Variants in ZNF443 observed in about 807,000 individuals in gnomAD.
ZNF443 encodes the protein Kruppel-type zinc finger (C2H2).
Under a neutral mutation model 12.0 loss-of-function variants are expected in ZNF443, and 3 were observed. The observed-to-expected ratio is 0.25, with a 90% confidence interval of 0.11 to 0.64. The LOEUF (loss-of-function observed/expected upper bound fraction) is 0.64. Ranked by LOEUF, ZNF443 falls within the 30% of genes least tolerant of loss-of-function variation. ZNF443 has a pLI of 0.84. For synonymous variants in ZNF443, 225 were observed against 265.9 expected (o/e 0.85, Z 1.50); for missense variants, 770 against 808.8 (o/e 0.95, Z 0.58).
Position 12,430,760 on chromosome 19 carries a change from T to C in ZNF443, c.1412A>G (p.His471Arg), listed in dbSNP as rs774277027. The change falls in exon 4 of 4, where the codon CAT (histidine) becomes CGT (arginine). Residue 471 changes from histidine (H) to arginine (R), a missense_variant. His to Arg is a conservative substitution (Grantham distance 29, BLOSUM62 0). Coordinates refer to ENST00000301547, the MANE Select transcript of ZNF443 (RefSeq NM_005815.5). ...GCATTTATAGGGTTTCTCTCCAGTA[T>C]GAGTTGTTTCATGCCTTCGAAGGGA... ...SSSLRRHETT[H>R]TGEKPYKCKL... 1 of 1,613,528 alleles carries C rather than the reference T, an allele frequency of 6.2e-7. No individual in the cohort carries two copies. The highest frequency in any genetic ancestry group is 8.5e-7 in the Non-Finnish European group (1 of 1,179,560).
Position 12,431,324 on chromosome 19 carries a change from C to G in ZNF443, c.848G>C (p.Cys283Ser). ...RTHTGEKPYKCKQCSKAFPDS... is the reference protein window; with the variant it reads ...RTHTGEKPYKSKQCSKAFPDS... ...AGGGAAGGCTTTAGAACACTGCTTA[C>G]ATTTATATGGTTTCTCCCCAGTATG... The change falls in exon 4 of 4, where the codon TGT (cysteine) becomes TCT (serine). Residue 283 changes from cysteine to serine, a missense_variant. Cys to Ser is a moderately radical substitution (Grantham distance 112). Around this residue, in one of 3 missense-constraint regions of ZNF443, gnomAD observed 736 missense variants for 689.4 expected, o/e 1.07. Transcript: ENST00000301547. 2 of 1,614,130 alleles carry G rather than the reference C, an allele frequency of 1.2e-6. No homozygotes were observed. Among genetic ancestry groups the G allele is most frequent in the Non-Finnish European group, 8.5e-7 (1 of 1,179,978 alleles).
Position 12,440,977 on chromosome 19 carries a change from C to A in ZNF443, c.-63G>T. ...CTCCCGCTGCCAATGCGTGTTCCAG[C>A]CAGACAAAGGCTGCCTCAGAACTTC... On this transcript the variant is annotated 5_prime_UTR_variant, in exon 1 of 4. Transcript: ENST00000301547. 6.2e-7 allele frequency: 1 copy of A among 1,613,196 alleles called. No homozygotes were observed. The highest frequency in any genetic ancestry group is 8.5e-7 in the Non-Finnish European group (1 of 1,179,454).
intron 1 of ZNF443, among the ~76,000 whole-genome samples, chr19:12,440,011 C>T (rs147198675): frequency 2.7e-5 from 4 of 150,026 alleles, no homozygotes; most frequent in African/African-American, 5.0e-5. Flanking sequence ...GACCCTGCTG[C>T]CCACGTCTTT....
At chr19:12,436,780 C>A (rs1047999060) in intron 1 of ZNF443, among the ~76,000 whole-genome samples, 2 of 127,964 alleles carry the variant, frequency 1.6e-5, no homozygotes, top group African/African-American at 5.9e-5. Context: ...CACACACACA[C>A]ACAAATATAC....
In ZNF443 at chr19:12,430,682, G is replaced by A. The variant is rs760757691; in HGVS notation, c.1490C>T (p.Thr497Ile). ...DFCSFQNHKT[T>I]HTGEKPYECK... ...CTCATATGGCTTCTCTCCAGTGTGA[G>A]TTGTTTTGTGATTTTGAAAGGAACA... The change falls in exon 4 of 4, where the codon ACT (threonine) becomes ATT (isoleucine). Residue 497 changes from threonine to isoleucine, a missense_variant. Physicochemically the swap from Thr to Ile is moderately conservative, Grantham distance 89 (BLOSUM62 -1). Transcript: ENST00000301547. The A allele has an allele frequency of 6.2e-7, 1 of 1,613,360 alleles. No individual in the cohort carries two copies. The highest frequency in any genetic ancestry group is 1.3e-5 in the African/African-American group (1 of 75,010).
intron 1 of ZNF443, among the ~76,000 whole-genome samples, chr19:12,438,963 C>T (rs1193402965): frequency 6.6e-6 from 1 of 152,126 alleles, no homozygotes; most frequent in Non-Finnish European, 1.5e-5. Context: ...TCTTTTCAAG[C>T]TAACAAACTC....
In ZNF443 at chr19:12,430,369, A is replaced by G. The variant is rs1187605674; in HGVS notation, c.1803T>C (p.Arg601=). 2 of 1,573,152 alleles carry G rather than the reference A, an allele frequency of 1.3e-6. No individual in the cohort carries two copies. The highest frequency in any genetic ancestry group is 4.8e-5 in the East Asian group (2 of 42,026). The change falls in exon 4 of 4, where the codon CGT becomes CGC. Residue 601 remains arginine, a synonymous_variant. Transcript: ENST00000301547. ...PQCGKAFTHS[R]FLQGHEKTHT... Reference sequence around the variant, plus strand: ...GAGTTTTTTCATGTCCTTGAAGAAAACGGGAATGAGTGAAGGCTTTACCAC... The same window carrying G: ...GAGTTTTTTCATGTCCTTGAAGAAAGCGGGAATGAGTGAAGGCTTTACCAC...
chr19:12,435,319 G>T (rs944479159), intron 1 of ZNF443, among the ~76,000 whole-genome samples: 7 of 151,968 alleles, frequency 4.6e-5, no homozygotes, highest in Admixed American at 3.3e-4. Flanking sequence ...CACGATCAGG[G>T]TCCAATTTGG....
chr19:12,436,531 G>A (rs1340506241), intron 1 of ZNF443, among the ~76,000 whole-genome samples: 1 of 151,808 alleles, frequency 6.6e-6, no homozygotes, highest in Non-Finnish European at 1.5e-5. Context: ...CAGCTGCAAG[G>A]TACAACTAAA....
intron 1 of ZNF443, among the ~76,000 whole-genome samples, chr19:12,436,955 T>C (rs1425863736): frequency 6.6e-6 from 1 of 151,462 alleles, no homozygotes; most frequent in African/African-American, 2.4e-5. Flanking sequence ...ACGGTGATGT[T>C]AAATTGGGCA....
At chr19:12,438,140 T>C (rs963781454) in intron 1 of ZNF443, among the ~76,000 whole-genome samples, 4 of 151,880 alleles carry the variant, frequency 2.6e-5, no homozygotes, top group African/African-American at 9.7e-5. Flanking sequence ...GGTGGGGGCA[T>C]TGGCCTCAGG....
At chr19:12,440,305 T>C (rs1384677796) in intron 1 of ZNF443, among the ~76,000 whole-genome samples, 1 of 151,890 alleles carries the variant, frequency 6.6e-6, no homozygotes, top group Admixed American at 6.6e-5. Context: ...GCTTCCCCAT[T>C]GTGCCTGGGG....
At chr19:12,433,506 G>T (rs545704889) in intron 1 of ZNF443, among the ~76,000 whole-genome samples, 2 of 152,278 alleles carry the variant, frequency 1.3e-5, no homozygotes, top group Admixed American at 1.3e-4. Flanking sequence ...TCCTTGGCAC[G>T]ATAAAGTCCT....
intron 1 of ZNF443, among the ~76,000 whole-genome samples, chr19:12,437,336 A>C (rs1472592722): frequency 6.6e-6 from 1 of 151,698 alleles, no homozygotes. Flanking sequence ...TGAGCCCAGG[A>C]GTTGGAGGTT....
In ZNF443 at chr19:12,430,925, G is replaced by C. The variant is rs781400412; in HGVS notation, c.1247C>G (p.Thr416Ser). Residue 416 changes from threonine to serine, a missense_variant, in exon 4 of 4, where the codon ACT (threonine) becomes AGT (serine). Transcript: ENST00000301547. ...SSFRSHMIMHTGDGPHKCKVC... is the reference protein window; with the variant it reads ...SSFRSHMIMHSGDGPHKCKVC... The stretch of plus-strand genomic sequence containing the variant: ...CTTGCATTTATGAGGTCCATCTCCA[G>C]TGTGCATTATCATATGACTTCGAAA... The C allele has an allele frequency of 4.0e-5, 64 of 1,613,878 alleles. No homozygotes were observed. Among genetic ancestry groups the C allele is most frequent in the Middle Eastern group, 1.6e-4 (1 of 6,084 alleles).
intron 1 of ZNF443, among the ~76,000 whole-genome samples, chr19:12,435,141 C>T (rs1281644638): frequency 6.6e-6 from 1 of 152,050 alleles, no homozygotes; most frequent in Non-Finnish European, 1.5e-5. Flanking sequence ...ACACATTTGG[C>T]TAATTTGTAT....
At chr19:12,437,576 C>T (rs1216490213) in intron 1 of ZNF443, among the ~76,000 whole-genome samples, 1 of 151,576 alleles carries the variant, frequency 6.6e-6, no homozygotes, top group Non-Finnish European at 1.5e-5. Context: ...TATATGTACA[C>T]ATGAATCCAA....
chr19:12,436,669 T>C (rs11878747), intron 1 of ZNF443, among the ~76,000 whole-genome samples: 49,849 of 151,666 alleles, frequency 0.33, 8,655 homozygotes, highest in South Asian at 0.47. Flanking sequence ...GAACATGTGA[T>C]TGGTGTACTT....
chr19:12,432,820 C>G (rs934612799), intron 2 of ZNF443, among the ~76,000 whole-genome samples: 1 of 147,798 alleles, frequency 6.8e-6, no homozygotes, highest in Non-Finnish European at 1.5e-5. Context: ...TGTAATAATA[C>G]GACATAAAAT....
Sources: gnomAD v4.1 joint callset for allele counts (sites outside exome capture counted in the v4.1 genomes callset) on GRCh38, gnomAD v4.1.1 for gene constraint, gnomAD v4.1.1 regional missense constraint, MANE v1.5 for transcripts, NCBI Gene and HGNC (gene_info 2026-07-23, HGNC 2026-07-21) for gene names.